The following ZNF74 variants were observed in gnomAD, a reference collection of about 807,000 sequenced individuals.
ZNF74 encodes zinc finger protein 74, also known as zinc finger protein 520.
In ZNF74, 12 loss-of-function variants were observed where a neutral mutation model predicts 17.7. The observed-to-expected ratio is 0.68, with a 90% CI of 0.43 to 1.10. The LOEUF is 1.10. Among genes scored for constraint, ZNF74 ranks in the 50% least tolerant of loss-of-function variants. ZNF74 has a pLI of 0.00. For missense variants in ZNF74, 811 were observed against 881.0 expected, an observed-to-expected ratio of 0.92 and a Z score of 1.01; for synonymous variants, 358 against 362.1, an observed-to-expected ratio of 0.99 and a Z score of 0.13.
intron 2 of ZNF74, among the ~76,000 whole-genome samples, chr22:20,398,600 T>C (rs1051843088): frequency 2.8e-4 from 43 of 152,308 alleles, no homozygotes; most frequent in African/African-American, 1.0e-3. Flanking sequence ...ATATAGTAAA[T>C]ATATGTTTGT....
rs1308888775 is a variant in ZNF74 at position 20,401,216 on chromosome 22, G to A, written c.248-61G>A. The A allele has an allele frequency of 2.5e-6, 3 of 1,200,796 alleles. No homozygotes were observed. The highest frequency in any genetic ancestry group is 3.6e-6 in the Non-Finnish European group (3 of 828,714). 74.4% of individuals were successfully genotyped at this position (1,200,796 alleles called of 1,614,324 possible). A position where few individuals can be genotyped will look rare whatever the true frequency, so the allele number is the denominator to read the frequency against. On this transcript the variant is annotated intron_variant, in intron 3 of 4. Coordinates refer to ENST00000400451, the MANE Select transcript of ZNF74 (RefSeq NM_003426.4). This position sits in a 1 kb window ranked among gnomAD's most constrained non-coding sequence, Gnocchi z 4.2. ...CATTGTCCTTGTTAGGGGGCGGCCT[G>A]TAAGGTCGACTGGGCCTGGAGAGCT...
At position 20,406,248 on chromosome 22, in the gene ZNF74, G is replaced by T. The variant is rs374106476; in HGVS notation, c.1215G>T (p.Val405=). 7.4e-5 allele frequency: 119 copies of T among 1,612,192 alleles called. No homozygotes were observed. In the African/African-American group the frequency reaches 1.4e-3, roughly 19 times the overall value. The change falls in exon 5 of 5, where the codon GTG becomes GTT. Residue 405 remains valine (V), a synonymous_variant. Transcript: ENST00000400451. The part of the protein sequence containing the change: ...KAFTCHSSLT[V]HEKIHSGDKP... ...TCACCTGCCACTCATCCCTCACCGT[G>T]CATGAGAAGATCCACAGCGGGGACA...
At chr22:20,397,078 TTTC>T (rs1337593327) in intron 2 of ZNF74, among the ~76,000 whole-genome samples, 1 of 151,266 alleles carries the variant, frequency 6.6e-6, no homozygotes, top group Non-Finnish European at 1.5e-5. Context: ...TTTCTTTCTT[TTTC>T]TTTTTTTTTT....
chr22:20,405,747 G>A lies in ZNF74; in HGVS notation c.714G>A (p.Gln238=), dbSNP rs1395573065. Residue 238 remains glutamine (Q), a synonymous_variant, in exon 5 of 5, where the codon CAG becomes CAA. Transcript: ENST00000400451. ...EPEKFPQVRR[Q]RGAGAGEGEF... ...AAAAGTTCCCCCAGGTGCGCCGGCA[G>A]CGCGGGGCGGGCGCCGGGGAGGGCG... 3 of 1,604,802 alleles carry A rather than the reference G, an allele frequency of 1.9e-6. No individual in the cohort carries two copies. Among genetic ancestry groups the A allele is most frequent in the African/African-American group, 1.3e-5 (1 of 74,688 alleles).
At chr22:20,402,651 A>G (rs1452513732) in intron 4 of ZNF74, among the ~76,000 whole-genome samples, 1 of 152,112 alleles carries the variant, frequency 6.6e-6, no homozygotes, top group Admixed American at 6.5e-5. Context: ...AAATTACAAA[A>G]TTAGCTGGGC....
At chr22:20,402,599 C>T (rs1292966945) in intron 4 of ZNF74, among the ~76,000 whole-genome samples, 1 of 151,914 alleles carries the variant, frequency 6.6e-6, no homozygotes, top group Non-Finnish European at 1.5e-5. Context: ...GTCAGGAGTT[C>T]GAGACCAGCC....
At chr22:20,402,183 C>T (rs952611785) in intron 4 of ZNF74, among the ~76,000 whole-genome samples, 8 of 152,086 alleles carry the variant, frequency 5.3e-5, no homozygotes, top group African/African-American at 1.9e-4. Flanking sequence ...GCACAGAACA[C>T]GGGGGTCGGG....
intron 4 of ZNF74, among the ~76,000 whole-genome samples, chr22:20,402,282 T>A (rs1436042303): frequency 6.6e-6 from 1 of 152,192 alleles, no homozygotes; most frequent in African/African-American, 2.4e-5. Flanking sequence ...CTTTCTGGTC[T>A]TTATTTCTCA....
chr22:20,398,008 G>C (rs1334718521), intron 2 of ZNF74, among the ~76,000 whole-genome samples: 1 of 152,152 alleles, frequency 6.6e-6, no homozygotes, highest in Non-Finnish European at 1.5e-5. Flanking sequence ...CATTTTAACT[G>C]AATTACTTCT....
intron 4 of ZNF74, among the ~76,000 whole-genome samples, chr22:20,402,093 C>T (rs556382073): frequency 6.6e-6 from 1 of 152,196 alleles, no homozygotes; most frequent in Non-Finnish European, 1.5e-5. Context: ...ATTTATTGGA[C>T]AGTGACTGCT....
In ZNF74 at chr22:20,408,401, C is replaced by T. The variant is rs190721315; in HGVS notation, c.*1433C>T. The T allele has an allele frequency of 9.2e-5, 14 of 152,268 alleles. No homozygotes were observed. The East Asian group carries it at 2.7e-3, about 29-fold the overall frequency. The allele number at this position is 152,268 out of a possible 1,614,324, so 9.4% of individuals were successfully genotyped here. On this transcript the variant is annotated 3_prime_UTR_variant, in exon 5 of 5. Transcript: ENST00000400451. ...ATAACCACACTTCAGAAAATGTGGA[C>T]TTCTGAAAAATAAAATCCCCATAAT...
chr22:20,394,205 G>C lies in ZNF74; in HGVS notation c.-424G>C, dbSNP rs2052263377. 1 of 686,176 alleles carries C rather than the reference G, an allele frequency of 1.5e-6. No homozygotes were observed. The highest frequency in any genetic ancestry group is 2.7e-6 in the Non-Finnish European group (1 of 373,292). The allele number at this position is 686,176 out of a possible 1,614,324, so 42.5% of individuals were successfully genotyped here. A position where few individuals can be genotyped will look rare whatever the true frequency, so the allele number is the denominator to read the frequency against. ...GTCGCAGTCCTTTTGTGGGAGTCCG[G>C]TCTGTCCACTTGCCGGTCCCTCAGA... On this transcript the variant is annotated 5_prime_UTR_variant, in exon 1 of 5. Transcript: ENST00000400451.
rs1260816002 is a variant in ZNF74 at position 20,406,495 on chromosome 22, A to G, written c.1462A>G (p.Ile488Val). The part of the protein sequence containing the change: ...GKAFSSHAYL[I>V]VHRRIHTGEK... The stretch of plus-strand genomic sequence containing the variant: ...AGCCTTCAGCTCCCACGCCTACCTC[A>G]TCGTGCACCGGCGCATCCACACAGG... Residue 488 changes from isoleucine (I) to valine (V), a missense_variant, in exon 5 of 5, where the codon ATC becomes GTC. Physicochemically the swap from Ile to Val is conservative, Grantham distance 29. Transcript: ENST00000400451. The G allele has an allele frequency of 6.2e-7, 1 of 1,612,834 alleles. No individual in the cohort carries two copies. Among genetic ancestry groups the G allele is most frequent in the African/African-American group, 1.3e-5 (1 of 74,506 alleles).
Position 20,406,405 on chromosome 22 carries a change from T to TA in ZNF74, c.1373dup (p.Tyr458Ter), listed in dbSNP as rs1569097092. ...CGGGAAGGGCTTCAGCTGCCACGCG[T>TA]ACCTGCTCGTGCACCGGCGCATCCA... is the stretch of plus-strand genomic sequence containing the variant. ...DCGKGFSCHA[Y>*]LLVHRRIHSG... is the part of the protein sequence containing the mutation. Residue 458 changes from tyrosine to a stop codon, truncating the protein, a stop_gained and frameshift_variant, in exon 5 of 5, where the codon TAC (tyrosine) becomes TAAC (stop). Coordinates refer to ENST00000400451, the MANE Select transcript of ZNF74 (RefSeq NM_003426.4). LOFTEE classifies it low-confidence loss of function (END_TRUNC). 6.2e-7 allele frequency: 1 copy of TA among 1,612,410 alleles called. No individual in the cohort carries two copies. Among genetic ancestry groups the TA allele is most frequent in the East Asian group, 2.2e-5 (1 of 44,750 alleles).
intron 2 of ZNF74, among the ~76,000 whole-genome samples, chr22:20,396,166 T>G (rs1409263596): frequency 2.1e-5 from 3 of 143,784 alleles, no homozygotes; most frequent in Non-Finnish European, 4.5e-5. Context: ...CTTTGGGTTT[T>G]TGTTTTTTTT....
At position 20,405,602 on chromosome 22, in the gene ZNF74, G is replaced by A. The variant is rs1283050471; in HGVS notation, c.569G>A (p.Arg190His). 6.2e-7 allele frequency: 1 copy of A among 1,613,238 alleles called. No individual in the cohort carries two copies. Among genetic ancestry groups the A allele is most frequent in the South Asian group, 1.1e-5 (1 of 91,002 alleles). ...AGGTGTCCCCTCTTCGCCCAGCAAC[G>A]CGTTCCCGAGGGGGGACCCTTGCTG... Reference protein sequence around the residue: ...PLRCPLFAQQRVPEGGPLLDT... With the variant: ...PLRCPLFAQQHVPEGGPLLDT... The change falls in exon 5 of 5, where the codon CGC becomes CAC. Residue 190 changes from arginine (R) to histidine (H), a missense_variant. Transcript: ENST00000400451.
intron 2 of ZNF74, among the ~76,000 whole-genome samples, chr22:20,396,168 G>GTT (rs963368634): frequency 3.3e-5 from 4 of 122,412 alleles, no homozygotes; most frequent in African/African-American, 1.6e-4. Context: ...TTGGGTTTTT[G>GTT]TTTTTTTTTT....
Position 20,394,464 on chromosome 22 carries a change from G to GCTCC in ZNF74, c.-165_-164insCTCC, listed in dbSNP as rs2052268260. The GCTCC allele has an allele frequency of 2.9e-6, 2 of 679,504 alleles. No individual in the cohort carries two copies. Among genetic ancestry groups the GCTCC allele is most frequent in the Admixed American group, 5.3e-5 (2 of 37,954 alleles). 42.1% of individuals were successfully genotyped at this position (679,504 alleles called of 1,614,324 possible). A position where few individuals can be genotyped will look rare whatever the true frequency, so the allele number is the denominator to read the frequency against. Reference sequence around the variant, plus strand: ...CCCCACCTCAGCCGGGCGCGGGGAGGGGGCTCCGTGCGTGTGATCGTGCAG... The same window carrying GCTCC: ...CCCCACCTCAGCCGGGCGCGGGGAGGCTCCGGGCTCCGTGCGTGTGATCGTGCAG... On this transcript the variant is annotated 5_prime_UTR_variant, in exon 1 of 5. The change abolishes the stop of an existing upstream ORF in the 5' untranslated region. Transcript: ENST00000400451.
Position 20,405,659 on chromosome 22 carries a change from G to A in ZNF74, c.626G>A (p.Gly209Asp). 7 of 1,612,178 alleles carry A rather than the reference G, an allele frequency of 4.3e-6. No individual in the cohort carries two copies. Among genetic ancestry groups the A allele is most frequent in the Non-Finnish European group, 5.9e-6 (7 of 1,179,232 alleles). ...CGCAAGAACGTCCAGGCCACTGAGG[G>A]CAGAACCAAGGCCCCCGCGAGACTG... ...DTRKNVQATE[G>D]RTKAPARLCA... The change falls in exon 5 of 5, where the codon GGC becomes GAC. Residue 209 changes from glycine (G) to aspartate (D), a missense_variant. Coordinates refer to ENST00000400451, the MANE Select transcript of ZNF74 (RefSeq NM_003426.4).
Sources: gnomAD v4.1 joint callset for allele counts (sites outside exome capture counted in the v4.1 genomes callset) on GRCh38, gnomAD v4.1.1 for gene constraint, Gnocchi (gnomAD v3.1) non-coding constraint, MANE v1.5 for transcripts, NCBI Gene and HGNC (gene_info 2026-07-23, HGNC 2026-07-21) for gene names.